Variants in ASCC3 observed in about 807,000 individuals in gnomAD.
The protein encoded by ASCC3 is activating signal cointegrator 1 complex subunit 3.
Under a neutral mutation model 256.3 loss-of-function variants are expected in ASCC3, and 158 were observed. The ratio of observed to expected loss-of-function variants is 0.62; its 90% confidence interval spans 0.54 to 0.70. The LOEUF is 0.70. Ranked by LOEUF, ASCC3 falls within the 30% of genes least tolerant of loss-of-function variation. ASCC3 has a pLI of 0.00. For missense variants in ASCC3, 2,259 were observed against 2,626.0 expected (o/e 0.86, Z 3.05); for synonymous variants, 948 against 883.4 (o/e 1.07, Z -1.30).
intron 3 of ASCC3, chr6:100,856,465 T>C (rs909617176): frequency 1.1e-6 from 1 of 910,462 alleles, no homozygotes; most frequent in Non-Finnish European, 1.3e-6. Flanking sequence ...ATCTATGTAA[T>C]ATAAAAATCA....
chr6:100,722,935 A>G (rs1192952960), intron 11 of ASCC3, among the ~76,000 whole-genome samples: 1 of 151,772 alleles, frequency 6.6e-6, no homozygotes, highest in Non-Finnish European at 1.5e-5. Flanking sequence ...AATATTCAAG[A>G]TATTACTAAA....
chr6:100,515,818 A>G (rs1773995648), intron 39 of ASCC3, among the ~76,000 whole-genome samples: 1 of 152,192 alleles, frequency 6.6e-6, no homozygotes, highest in Non-Finnish European at 1.5e-5. Context: ...CAGACGAGTG[A>G]TGGACAAGCT....
At chr6:100,557,455 T>C (rs1769654636) in intron 36 of ASCC3, among the ~76,000 whole-genome samples, 1 of 152,198 alleles carries the variant, frequency 6.6e-6, no homozygotes, top group Non-Finnish European at 1.5e-5. Context: ...TTATAATTTG[T>C]ATATCTTTCT....
intron 36 of ASCC3, among the ~76,000 whole-genome samples, chr6:100,558,150 A>G (rs1463700884): frequency 6.6e-6 from 1 of 151,950 alleles, no homozygotes; most frequent in Non-Finnish European, 1.5e-5. Flanking sequence ...ACTACATAAG[A>G]CTAATGATAC....
chr6:100,646,587 C>T, intron 22 of ASCC3, 28 bp downstream of exon 22: 1 of 1,613,400 alleles, frequency 6.2e-7, no homozygotes, highest in Non-Finnish European at 8.5e-7. Flanking sequence ...TTTTGTTTAA[C>T]ACAGATATAG....
At chr6:100,587,502 C>G (rs994904917) in intron 36 of ASCC3, among the ~76,000 whole-genome samples, 5 of 152,064 alleles carry the variant, frequency 3.3e-5, no homozygotes, top group African/African-American at 7.2e-5. Flanking sequence ...CAATGTGAGT[C>G]CTATGGTTCT....
At chr6:100,817,523 T>C (rs1260085060) in intron 4 of ASCC3, among the ~76,000 whole-genome samples, 1 of 151,874 alleles carries the variant, frequency 6.6e-6, no homozygotes, top group Non-Finnish European at 1.5e-5. Flanking sequence ...TTAACAAAAC[T>C]TTAGCTAGAT....
chr6:100,877,616 C>T (rs1454449898), intron 1 of ASCC3, among the ~76,000 whole-genome samples: 1 of 152,078 alleles, frequency 6.6e-6, no homozygotes, highest in African/African-American at 2.4e-5. Flanking sequence ...AACCTTATTA[C>T]CATCAATTGG....
chr6:100,622,451 T>C (rs949480631), intron 30 of ASCC3, among the ~76,000 whole-genome samples: 3 of 152,088 alleles, frequency 2.0e-5, no homozygotes, highest in African/African-American at 7.2e-5. Flanking sequence ...TCCACCATGA[T>C]GGTAAGTTTC....
chr6:100,808,097 T>C (rs1770277632), intron 4 of ASCC3, among the ~76,000 whole-genome samples: 1 of 151,920 alleles, frequency 6.6e-6, no homozygotes, highest in Non-Finnish European at 1.5e-5. Context: ...AAAAACTGTA[T>C]CCACCACTGT....
chr6:100,808,082 T>C (rs1770276754), intron 4 of ASCC3, among the ~76,000 whole-genome samples: 1 of 151,928 alleles, frequency 6.6e-6, no homozygotes, highest in African/African-American at 2.4e-5. Context: ...AAAATTAGAA[T>C]TTTGAAAAAC....
chr6:100,734,170 CAGG>C (rs1780037022), intron 10 of ASCC3, among the ~76,000 whole-genome samples: 1 of 152,174 alleles, frequency 6.6e-6, no homozygotes, highest in Non-Finnish European at 1.5e-5. Context: ...CTCTGGGTAG[CAGG>C]AGAAGAATTT....
chr6:100,608,146 C>CATATATATGTATATATATATA (rs1311691741), intron 30 of ASCC3, among the ~76,000 whole-genome samples: 5 of 41,090 alleles, frequency 1.2e-4, no homozygotes, highest in African/African-American at 3.4e-4. Context: ...GTATATATAT[C>CATATATATGTATATATATATA]TATATATACA....
chr6:100,665,258 G>C (rs1354115601), intron 14 of ASCC3, among the ~76,000 whole-genome samples: 2 of 152,124 alleles, frequency 1.3e-5, no homozygotes, highest in Admixed American at 1.3e-4. Context: ...TGAGGAACTA[G>C]GAGGAGGTAG....
intron 25 of ASCC3, among the ~76,000 whole-genome samples, chr6:100,632,409 A>G (rs1196620069): frequency 2.0e-5 from 3 of 152,114 alleles, no homozygotes; most frequent in African/African-American, 7.2e-5. Context: ...AGCAATCTTC[A>G]GTTTAAATGC....
intron 36 of ASCC3, among the ~76,000 whole-genome samples, chr6:100,541,450 T>C (rs1775459116): frequency 6.6e-6 from 1 of 152,108 alleles, no homozygotes; most frequent in Admixed American, 6.5e-5. Flanking sequence ...CACTGTGGTG[T>C]AGTGAGAGAG....
intron 38 of ASCC3, 75 bp downstream of exon 38, chr6:100,517,916 T>C: frequency 1.3e-6 from 2 of 1,488,286 alleles, no homozygotes; most frequent in South Asian, 2.3e-5. Flanking sequence ...ACATAAAATT[T>C]CAGTGACTAC....
chr6:100,792,163 T>C (rs370433826), intron 8 of ASCC3, among the ~76,000 whole-genome samples: 39 of 152,084 alleles, frequency 2.6e-4, no homozygotes, highest in East Asian at 1.7e-3. Context: ...ACTGTACTTA[T>C]CAGTTTTCCT....
chr6:100,655,878 A>G, intron 16 of ASCC3, 60 bp from the exon 17 acceptor site: 1 of 1,580,212 alleles, frequency 6.3e-7, no homozygotes, highest in Middle Eastern at 1.7e-4. Context: ...ACATTACATC[A>G]AAGTCCATTC....
Sources: gnomAD v4.1 joint callset for allele counts (sites outside exome capture counted in the v4.1 genomes callset) on GRCh38, gnomAD v4.1.1 for gene constraint, MANE v1.5 for transcripts, NCBI Gene and HGNC (gene_info 2026-07-23, HGNC 2026-07-21) for gene names.